STAG1: variants seen among roughly 807,000 people sequenced by gnomAD.
STAG1 encodes STAG1 cohesin complex component.
STAG1 carries 26 observed loss-of-function variants against 170.9 expected under a neutral mutation model. That is an observed-to-expected ratio of 0.15 (90% CI 0.11 to 0.21). The LOEUF (loss-of-function observed/expected upper bound fraction) is 0.21, where lower values mean the gene tolerates loss of function less well. STAG1 is among the 10% of genes least tolerant of loss of function. The pLI is 1.00. For missense variants in STAG1, 964 were observed against 1,509.5 expected, an observed-to-expected ratio of 0.64 and a Z score of 5.99; for synonymous variants, 514 against 497.7, an observed-to-expected ratio of 1.03 and a Z score of -0.44.
At chr3:136,610,602 T>G (rs1205198009) in intron 3 of STAG1, among the ~76,000 whole-genome samples, 3 of 152,216 alleles carry the variant, frequency 2.0e-5, no homozygotes, top group Non-Finnish European at 4.4e-5. Flanking sequence ...CTCCAAATTT[T>G]AAGCTGGAAA....
At chr3:136,710,979 T>C (rs1042933946) in intron 1 of STAG1, among the ~76,000 whole-genome samples, 1 of 151,922 alleles carries the variant, frequency 6.6e-6, no homozygotes, top group African/African-American at 2.4e-5. Context: ...TATTATAGAA[T>C]ATAATTTTTC....
chr3:136,526,215 T>C (rs1004626942), intron 6 of STAG1, among the ~76,000 whole-genome samples: 17 of 152,182 alleles, frequency 1.1e-4, no homozygotes, highest in Admixed American at 4.6e-4. Flanking sequence ...CTCTCATAAT[T>C]ATTGTGTGGG....
intron 4 of STAG1, among the ~76,000 whole-genome samples, chr3:136,595,904 G>C (rs1938406482): frequency 6.6e-6 from 1 of 151,910 alleles, no homozygotes; most frequent in Admixed American, 6.6e-5. Context: ...TTTACAAAAA[G>C]TATTCAATGG....
rs1940160237 is a variant in STAG1, at chr3:136,627,528, GCTACTTC to G, written c.29+3335_29+3341del. On this transcript the variant is annotated intron_variant, in intron 2 of 33. Coordinates refer to ENST00000383202, the MANE Select transcript of STAG1 (RefSeq NM_005862.3). ...CCATAATATGCACTGAACTTATTTA[GCTACTTC>G]CTTATCAATGAGCACTTAGTTTGTC... is the stretch of plus-strand genomic sequence containing the variant. 2.6e-5 allele frequency among the ~76,000 whole-genome samples: 4 copies of G among 152,200 alleles called. No homozygotes were observed. In the East Asian group the frequency reaches 7.7e-4, roughly 29 times the overall value.
intron 7 of STAG1, among the ~76,000 whole-genome samples, chr3:136,509,236 C>T (rs766283078): frequency 1.6e-4 from 25 of 152,050 alleles, no homozygotes; most frequent in Non-Finnish European, 3.4e-4. Context: ...TCGACTATCC[C>T]GATTAAACAG....
intron 7 of STAG1, among the ~76,000 whole-genome samples, chr3:136,512,470 A>T (rs1206615598): frequency 6.6e-6 from 1 of 152,178 alleles, no homozygotes; most frequent in African/African-American, 2.4e-5. Context: ...ACTCCAAGCC[A>T]GGCAGTCAAG....
In STAG1 at chr3:136,443,348, C is replaced by T; in HGVS notation, c.1485G>A (p.Leu495=). The T allele has an allele frequency of 1.2e-6, 2 of 1,613,958 alleles. No homozygotes were observed. Among genetic ancestry groups the T allele is most frequent in the Non-Finnish European group, 1.7e-6 (2 of 1,179,946 alleles). Residue 495 remains leucine (L), a synonymous_variant, in exon 15 of 34, where the codon CTG becomes CTA. Transcript: ENST00000383202. ...VDSLWESSQE[L]LKDWECMTEL... is the part of the protein sequence containing the mutation. ...CTGTCATACATTCCCAGTCTTTCAA[C>T]AGTTCTTGAGAGCTCTCCCATAAAC... is the stretch of plus-strand genomic sequence containing the variant.
chr3:136,409,549 C>T (rs964049325), intron 21 of STAG1, among the ~76,000 whole-genome samples: 7 of 152,004 alleles, frequency 4.6e-5, no homozygotes, highest in African/African-American at 1.5e-4. Context: ...GTTGCCCAGG[C>T]TGGTCTCAAA....
intron 5 of STAG1, among the ~76,000 whole-genome samples, chr3:136,561,869 A>C (rs1936857479): frequency 6.6e-6 from 1 of 152,018 alleles, no homozygotes; most frequent in African/African-American, 2.4e-5. Context: ...ATTTACAGAA[A>C]AGACAGCAAA....
intron 1 of STAG1, among the ~76,000 whole-genome samples, chr3:136,687,600 C>A (rs1317587993): frequency 2.0e-5 from 3 of 152,004 alleles, no homozygotes. Flanking sequence ...ACTAAAGGTT[C>A]ATTTGGATCA....
chr3:136,702,384 C>T (rs111900924), intron 1 of STAG1, among the ~76,000 whole-genome samples: 1 of 152,050 alleles, frequency 6.6e-6, no homozygotes, highest in African/African-American at 2.4e-5. Flanking sequence ...TATAAAATCA[C>T]TTACAATTTT....
rs866751264 is a variant in STAG1, at chr3:136,722,954, G to A, written c.-84+29241C>T. On this transcript the variant is annotated intron_variant, in intron 1 of 33. Transcript: ENST00000383202. The stretch of plus-strand genomic sequence containing the variant: ...AGTGATCCGCCAGCCTCGGCCTCCC[G>A]AGGTGCCGGGATTGCAGACGGAGTC... Among the ~76,000 whole-genome samples the A allele has an allele frequency of 7.2e-3, 1,101 of 152,322 alleles. 22 individuals are homozygous for A. The highest frequency in any genetic ancestry group is 0.024 in the African/African-American group (992 of 41,574).
rs1401069562 is a variant in STAG1 at position 136,367,017 on chromosome 3, C to T, written c.2611G>A (p.Ala871Thr). The change falls in exon 25 of 34, where the codon GCT becomes ACT. Residue 871 changes from alanine to threonine, a missense_variant. By Grantham distance (58) the Ala-to-Thr change is moderately conservative (BLOSUM62 0). Around this residue, in one of 11 missense-constraint regions of STAG1, gnomAD observed 149 missense variants for 301.3 expected, o/e 0.49. Coordinates refer to ENST00000383202, the MANE Select transcript of STAG1 (RefSeq NM_005862.3). ...TCATAAATGATAAGTTTGCTGAAAG[C>T]AGCAAGTAGATTCCTTCTTTTATGT... ...ALHKRRNLLA[A>T]FSKLIIYDIV... 1.9e-6 allele frequency: 3 copies of T among 1,611,060 alleles called. No individual in the cohort carries two copies. Among genetic ancestry groups the T allele is most frequent in the Non-Finnish European group, 1.7e-6 (2 of 1,177,852 alleles).
At chr3:136,707,250 T>C (rs915306493) in intron 1 of STAG1, among the ~76,000 whole-genome samples, 5 of 152,126 alleles carry the variant, frequency 3.3e-5, no homozygotes, top group Non-Finnish European at 7.3e-5. Context: ...AAGGACATTA[T>C]CAAGAAAGTT....
Position 136,369,325 on chromosome 3 carries a change from A to G in STAG1, c.2371-43T>C, listed in dbSNP as rs370481137. 5.4e-5 allele frequency: 79 copies of G among 1,476,628 alleles called. 1 individual carries two copies. The African/African-American group carries it at 8.5e-4, about 16-fold the overall frequency. 91.5% of individuals were successfully genotyped at this position (1,476,628 alleles called of 1,614,324 possible). On this transcript the variant is annotated intron_variant, in intron 23 of 33. Transcript: ENST00000383202. The stretch of plus-strand genomic sequence containing the variant: ...TTTATCAGCAAAATATTACACAAAT[A>G]TAACTACAAGTCAACATTAATGAAA...
At chr3:136,426,130 G>A (rs955921261) in intron 16 of STAG1, among the ~76,000 whole-genome samples, 7 of 151,698 alleles carry the variant, frequency 4.6e-5, no homozygotes, top group African/African-American at 7.3e-5. Flanking sequence ...ACTTGTGGCC[G>A]GGCGCGGTGG....
intron 1 of STAG1, among the ~76,000 whole-genome samples, chr3:136,658,082 G>C (rs991934262): frequency 6.6e-6 from 1 of 151,214 alleles, no homozygotes; most frequent in African/African-American, 2.4e-5. Flanking sequence ...CAACACTTCA[G>C]GGGGGGCTGA....
chr3:136,396,519 C>CAT (rs1560085070), intron 22 of STAG1, among the ~76,000 whole-genome samples: 1 of 78,272 alleles, frequency 1.3e-5, no homozygotes, highest in Non-Finnish European at 2.5e-5. Flanking sequence ...CCGCGCCTGG[C>CAT]CTTTTTTTTT....
At chr3:136,362,888 A>C (rs917813091) in intron 26 of STAG1, among the ~76,000 whole-genome samples, 11 of 151,918 alleles carry the variant, frequency 7.2e-5, no homozygotes, top group Non-Finnish European at 1.3e-4. Context: ...TAAGACTTTT[A>C]TCATAAACTA....
Sources: allele counts gnomAD v4.1 joint callset (sites outside exome capture counted in the v4.1 genomes callset), GRCh38; gene constraint gnomAD v4.1.1; regional missense constraint gnomAD v4.1.1; transcripts MANE v1.5; gene names NCBI Gene and HGNC (gene_info 2026-07-23, HGNC 2026-07-21).